LRRTM4: variants seen among roughly 807,000 people sequenced by gnomAD.
LRRTM4 encodes the protein leucine rich repeat transmembrane neuronal 4, also known as leucine-rich repeat transmembrane neuronal protein 4.
LRRTM4 carries 25 observed loss-of-function variants against 47.6 expected under a neutral mutation model. That is an observed-to-expected ratio of 0.53 (90% CI 0.38 to 0.73). The LOEUF is 0.73. Ranked by LOEUF, LRRTM4 falls within the 30% of genes least tolerant of loss-of-function variation. LRRTM4 has a pLI of 0.00. For synonymous variants in LRRTM4, 311 were observed against 269.5 expected (o/e 1.15, Z -1.51); for missense variants, 638 against 713.4 (o/e 0.89, Z 1.20).
intron 3 of LRRTM4, among the ~76,000 whole-genome samples, chr2:77,493,872 GA>G (rs1227255518): frequency 6.6e-6 from 1 of 151,856 alleles, no homozygotes; most frequent in Non-Finnish European, 1.5e-5. Context: ...AAATGGCAAA[GA>G]AAAAAATACT....
At chr2:77,053,588 C>T (rs1019163203) in intron 3 of LRRTM4, among the ~76,000 whole-genome samples, 5 of 151,978 alleles carry the variant, frequency 3.3e-5, no homozygotes, top group African/African-American at 4.8e-5. Flanking sequence ...TTGCTAGTCT[C>T]CTAGTGATTT....
intron 3 of LRRTM4, among the ~76,000 whole-genome samples, chr2:76,820,402 G>A (rs905661695): frequency 3.3e-5 from 5 of 151,792 alleles, no homozygotes; most frequent in Admixed American, 2.0e-4. Flanking sequence ...AGCAATGTTA[G>A]TAGGATTAGA....
intron 3 of LRRTM4, among the ~76,000 whole-genome samples, chr2:77,096,374 T>A (rs1670812400): frequency 6.6e-6 from 1 of 151,600 alleles, no homozygotes; most frequent in Non-Finnish European, 1.5e-5. Context: ...TTACTACTAA[T>A]AAATTTTCAG....
chr2:77,114,620 C>T (rs997706260), intron 3 of LRRTM4, among the ~76,000 whole-genome samples: 1 of 152,128 alleles, frequency 6.6e-6, no homozygotes, highest in Non-Finnish European at 1.5e-5. Flanking sequence ...AATATTTCAA[C>T]GTAGGTTCTT....
intron 3 of LRRTM4, among the ~76,000 whole-genome samples, chr2:77,337,514 T>C (rs1671209662): frequency 6.6e-6 from 1 of 152,082 alleles, no homozygotes; most frequent in Non-Finnish European, 1.5e-5. Flanking sequence ...GATCATGCAG[T>C]GTTTTCTCCC....
chr2:76,919,939 G>A (rs575702018), intron 3 of LRRTM4, among the ~76,000 whole-genome samples: 15 of 152,070 alleles, frequency 9.9e-5, no homozygotes, highest in East Asian at 3.9e-4. Flanking sequence ...TTTAACAATC[G>A]GAAGACATTC....
At chr2:76,899,042 G>A (rs958529995) in intron 3 of LRRTM4, among the ~76,000 whole-genome samples, 2 of 151,858 alleles carry the variant, frequency 1.3e-5, no homozygotes, top group African/African-American at 4.8e-5. Context: ...AAAGCGTGTT[G>A]TAAAATTGGT....
At chr2:77,069,181 T>C (rs966174510) in intron 3 of LRRTM4, among the ~76,000 whole-genome samples, 1 of 152,206 alleles carries the variant, frequency 6.6e-6, no homozygotes, top group Non-Finnish European at 1.5e-5. Flanking sequence ...TTTCTGTGTG[T>C]GTGTCTTTAA....
chr2:76,809,104 A>G (rs1006299719), intron 3 of LRRTM4, among the ~76,000 whole-genome samples: 13 of 152,250 alleles, frequency 8.5e-5, no homozygotes, highest in African/African-American at 2.9e-4. Context: ...TGTTTATAGT[A>G]TAAAAAAAAA....
intron 3 of LRRTM4, among the ~76,000 whole-genome samples, chr2:76,854,722 T>A (rs1298611773): frequency 6.6e-6 from 1 of 152,086 alleles, no homozygotes; most frequent in African/African-American, 2.4e-5. Context: ...TACTTATTTT[T>A]AAAAATACTT....
chr2:77,393,260 T>C (rs1027873695), intron 3 of LRRTM4, among the ~76,000 whole-genome samples: 2 of 152,030 alleles, frequency 1.3e-5, no homozygotes, highest in Non-Finnish European at 2.9e-5. Flanking sequence ...TATTTAGCCA[T>C]GTGTCCTATA....
intron 3 of LRRTM4, among the ~76,000 whole-genome samples, chr2:77,498,004 T>C (rs1192105815): frequency 6.6e-6 from 1 of 151,894 alleles, no homozygotes; most frequent in Non-Finnish European, 1.5e-5. Context: ...TTGACATAGT[T>C]ACATAGTCTG....
chr2:76,835,705 G>A (rs1360341875), intron 3 of LRRTM4, among the ~76,000 whole-genome samples: 1 of 151,954 alleles, frequency 6.6e-6, no homozygotes, highest in Non-Finnish European at 1.5e-5. Context: ...ATTTATTTAG[G>A]TATATATTTC....
intron 3 of LRRTM4, among the ~76,000 whole-genome samples, chr2:77,197,421 T>A (rs1673859790): frequency 6.6e-6 from 1 of 152,144 alleles, no homozygotes. Context: ...CCCATATATC[T>A]GTATTATTTG....
intron 3 of LRRTM4, among the ~76,000 whole-genome samples, chr2:77,445,023 T>A (rs1173999347): frequency 6.6e-6 from 1 of 151,410 alleles, no homozygotes; most frequent in East Asian, 1.9e-4. Context: ...TCTTAGGTGA[T>A]TTTTGCAGGG....
intron 3 of LRRTM4, among the ~76,000 whole-genome samples, chr2:77,206,699 G>T (rs941610588): frequency 1.3e-5 from 2 of 151,988 alleles, no homozygotes; most frequent in African/African-American, 2.4e-5. Flanking sequence ...GGCCAGGCTG[G>T]TCTCGAAATT....
At chr2:77,176,837 G>C (rs751614918) in intron 3 of LRRTM4, among the ~76,000 whole-genome samples, 4 of 152,110 alleles carry the variant, frequency 2.6e-5, no homozygotes, top group Non-Finnish European at 4.4e-5. Context: ...AACAGGATGA[G>C]GTGAAGAAGC....
chr2:76,969,660 T>C (rs1013524008), intron 3 of LRRTM4, among the ~76,000 whole-genome samples: 1 of 151,930 alleles, frequency 6.6e-6, no homozygotes, highest in Non-Finnish European at 1.5e-5. Flanking sequence ...AATAATACAT[T>C]TACCAGTAAT....
intron 3 of LRRTM4, among the ~76,000 whole-genome samples, chr2:77,510,161 C>T (rs1429268993): frequency 2.0e-5 from 3 of 152,064 alleles, no homozygotes; most frequent in African/African-American, 7.2e-5. Flanking sequence ...GAAATGAATG[C>T]ATCATGATGA....
Sources: allele counts gnomAD v4.1 joint callset (sites outside exome capture counted in the v4.1 genomes callset), GRCh38; gene constraint gnomAD v4.1.1; transcripts MANE v1.5; gene names NCBI Gene and HGNC (gene_info 2026-07-23, HGNC 2026-07-21).